The following CCDC171 variants were observed in gnomAD, a reference collection of about 807,000 sequenced individuals.
CCDC171 encodes coiled-coil domain-containing protein 171.
In CCDC171, 177 loss-of-function variants were observed where a neutral mutation model predicts 168.2. That is an observed-to-expected ratio of 1.05 (90% confidence interval 0.93 to 1.19). The LOEUF is 1.19. Ranked by LOEUF, CCDC171 falls within the 50% of genes most tolerant of loss-of-function variation. The pLI is 0.00. For missense variants in CCDC171, 1,991 were observed against 1,539.0 expected (o/e 1.29, Z -4.91); for synonymous variants, 687 against 540.8 (o/e 1.27, Z -3.75).
chr9:15,898,928 C>T (rs542065629), intron 24 of CCDC171, among the ~76,000 whole-genome samples: 2 of 152,236 alleles, frequency 1.3e-5, no homozygotes, highest in African/African-American at 4.8e-5. Flanking sequence ...AAGGTACCAA[C>T]AAAATTCTCT....
intron 21 of CCDC171, among the ~76,000 whole-genome samples, chr9:15,844,379 T>C (rs563845916): frequency 1.4e-4 from 21 of 152,188 alleles, no homozygotes; most frequent in African/African-American, 4.8e-4. Context: ...TTAGGATTTT[T>C]AAATATTCTG....
chr9:15,583,558 T>C (rs754185236), intron 4 of CCDC171, among the ~76,000 whole-genome samples: 4 of 152,004 alleles, frequency 2.6e-5, no homozygotes, highest in Non-Finnish European at 4.4e-5. Context: ...GAAAACCACT[T>C]ATAAGTGGGA....
downstream of CCDC171, among the ~76,000 whole-genome samples, chr9:15,974,539 C>A (rs546035654): frequency 6.6e-6 from 1 of 152,320 alleles, no homozygotes; most frequent in East Asian, 1.9e-4. Flanking sequence ...TCTAGAAACA[C>A]ACCTATATCA....
chr9:15,740,383 CT>C (rs33984949), intron 16 of CCDC171, among the ~76,000 whole-genome samples: 69,747 of 146,018 alleles, frequency 0.48, 16,493 homozygotes, highest in African/African-American at 0.51. Context: ...TTCCATTGGT[CT>C]TTTTTTTTTT....
intron 24 of CCDC171, among the ~76,000 whole-genome samples, chr9:15,890,363 A>G (rs1820040706): frequency 6.6e-6 from 1 of 152,118 alleles, no homozygotes; most frequent in African/African-American, 2.4e-5. Flanking sequence ...GTGGACCTTG[A>G]AGTTTATGTG....
At chr9:16,038,836 G>GA (rs972524803), upstream of CCDC171, among the ~76,000 whole-genome samples, 55 of 8,638 alleles carry the variant, frequency 6.4e-3, no homozygotes, top group Admixed American at 0.017. Flanking sequence ...AACAAAAACA[G>GA]AAAAAAAAAT....
chr9:15,554,879 G>A (rs2038663424), intron 1 of CCDC171, among the ~76,000 whole-genome samples: 1 of 152,134 alleles, frequency 6.6e-6, no homozygotes, highest in African/African-American at 2.4e-5. Context: ...TAATCTCATA[G>A]AGATGTTGGG....
chr9:16,039,020 G>A (rs1421048471), upstream of CCDC171, among the ~76,000 whole-genome samples: 1 of 152,182 alleles, frequency 6.6e-6, no homozygotes, highest in Non-Finnish European at 1.5e-5. Flanking sequence ...AAGAGGAACT[G>A]TGAAATTATA....
At chr9:15,597,846 A>G (rs531400057) in intron 6 of CCDC171, among the ~76,000 whole-genome samples, 2 of 152,220 alleles carry the variant, frequency 1.3e-5, no homozygotes, top group South Asian at 2.1e-4. Context: ...TTACTCAGAG[A>G]TTCAACTTCT....
chr9:15,964,643 C>CA (rs147369232), intron 25 of CCDC171, among the ~76,000 whole-genome samples: 4,583 of 152,190 alleles, frequency 0.03, 240 homozygotes, highest in African/African-American at 0.1. Flanking sequence ...TTTCTAACCT[C>CA]AACCACATCA....
chr9:15,762,517 G>A (rs901193701), intron 18 of CCDC171, among the ~76,000 whole-genome samples: 2 of 151,988 alleles, frequency 1.3e-5, no homozygotes, highest in African/African-American at 4.8e-5. Context: ...CACAATTTAG[G>A]AAAAAATACA....
chr9:15,679,306 A>G (rs564342338), intron 10 of CCDC171, among the ~76,000 whole-genome samples: 24 of 152,254 alleles, frequency 1.6e-4, no homozygotes, highest in African/African-American at 5.3e-4. Flanking sequence ...TCTAGCTTTT[A>G]CACCATCACC....
At chr9:15,673,848 T>C (rs2049310791) in intron 9 of CCDC171, among the ~76,000 whole-genome samples, 1 of 152,224 alleles carries the variant, frequency 6.6e-6, no homozygotes, top group African/African-American at 2.4e-5. Flanking sequence ...GGCATCTGGA[T>C]GATGCTGGCC....
chr9:15,850,155 T>G (rs1053730073), intron 23 of CCDC171: 1 of 151,962 alleles, frequency 6.6e-6, no homozygotes, highest in African/African-American at 2.4e-5. Context: ...AAAAGTCAAT[T>G]ACGTCATATA....
At chr9:15,903,566 C>G in intron 24 of CCDC171, among the ~76,000 whole-genome samples, 1 of 152,142 alleles carries the variant, frequency 6.6e-6, no homozygotes, top group East Asian at 1.9e-4. Flanking sequence ...GATAAAACCA[C>G]AAAGATGGCG....
At chr9:16,081,828 A>T in the CCDC171 span, among the ~76,000 whole-genome samples, 6 of 152,136 alleles carry the variant, frequency 3.9e-5, no homozygotes, top group Middle Eastern at 3.4e-3. Context: ...TAATGCAGTT[A>T]AAGTGTTTAC....
chr9:15,613,165 T>C (rs2043825559), intron 6 of CCDC171, among the ~76,000 whole-genome samples: 1 of 152,198 alleles, frequency 6.6e-6, no homozygotes, highest in Non-Finnish European at 1.5e-5. Flanking sequence ...AATGACAGTA[T>C]GAGTAATGTT....
At chr9:16,031,092 A>T (rs1833358147) in intron 6 of CCDC171, among the ~76,000 whole-genome samples, 1 of 152,148 alleles carries the variant, frequency 6.6e-6, no homozygotes, top group Non-Finnish European at 1.5e-5. Flanking sequence ...TAGTGGTTGA[A>T]TGTTGCCCAC....
At chr9:15,786,333 TAATA>T (rs1432884084) in intron 21 of CCDC171, among the ~76,000 whole-genome samples, 3 of 152,080 alleles carry the variant, frequency 2.0e-5, no homozygotes, top group African/African-American at 4.8e-5. Flanking sequence ...TTTACACAAG[TAATA>T]AATATTCATT....
Sources: gnomAD v4.1 joint callset for allele counts (sites outside exome capture counted in the v4.1 genomes callset) on GRCh38, gnomAD v4.1.1 for gene constraint, MANE v1.5 for transcripts, NCBI Gene and HGNC (gene_info 2026-07-23, HGNC 2026-07-21) for gene names.